A2ML1: variants seen among roughly 807,000 people sequenced by gnomAD.
A2ML1 encodes the protein alpha-2-macroglobulin-like protein 1.
Under a neutral mutation model 181.9 loss-of-function variants are expected in A2ML1, and 161 were observed. The observed-to-expected ratio is 0.89, with a 90% CI of 0.78 to 1.01. The LOEUF (loss-of-function observed/expected upper bound fraction) is 1.01. Ranked by LOEUF, A2ML1 falls within the 50% of genes least tolerant of loss-of-function variation. The pLI, the probability that A2ML1 is intolerant of heterozygous loss-of-function variation, is 0.00. For synonymous variants in A2ML1, 663 were observed against 666.8 expected (o/e 0.99, Z 0.09); for missense variants, 1,670 against 1,768.1 (o/e 0.94, Z 1.00).
intron 7 of A2ML1, among the ~76,000 whole-genome samples, chr12:8,883,485 C>T (rs1028489897): frequency 6.6e-5 from 10 of 151,266 alleles, no homozygotes; most frequent in Non-Finnish European, 1.3e-4. Context: ...CTCTCTCTCT[C>T]TTTTTTTTTG....
At position 8,843,093 on chromosome 12, in the gene A2ML1, G is replaced by A. The variant is rs371647232; in HGVS notation, c.1249-41G>A. On this transcript the variant is annotated intron_variant, in intron 11 of 35. Coordinates refer to ENST00000299698, the MANE Select transcript of A2ML1 (RefSeq NM_144670.6). ...ACAAGTCCGTGGGGTTTCCATGGTT[G>A]GAGCACATGCTAAAATTCTCTCTCT... The A allele has an allele frequency of 8.6e-5, 135 of 1,575,708 alleles. 1 individual carries two copies. The highest frequency in any genetic ancestry group is 5.0e-4 in the South Asian group (45 of 89,840).
At position 8,853,310 on chromosome 12, in the gene A2ML1, C is replaced by A. The variant is rs776521933; in HGVS notation, c.2591-818C>A. Among the ~76,000 whole-genome samples, 11 of 152,340 alleles carry A rather than the reference C, an allele frequency of 7.2e-5. No homozygotes were observed. In the South Asian group the frequency reaches 2.3e-3, roughly 32 times the overall value. Reference sequence around the variant, plus strand: ...CCTTTAACTTGTTTAATCCTCACCCCCAACCCTATGGGATGTCAGTCACTC... The same window carrying A: ...CCTTTAACTTGTTTAATCCTCACCCACAACCCTATGGGATGTCAGTCACTC... On this transcript the variant is annotated intron_variant, in intron 20 of 35. Coordinates refer to ENST00000299698, the MANE Select transcript of A2ML1 (RefSeq NM_144670.6).
chr12:8,841,458 C>T lies in A2ML1; in HGVS notation c.1170C>T (p.Thr390=), dbSNP rs781527794. 1.2e-6 allele frequency: 2 copies of T among 1,613,854 alleles called. No homozygotes were observed. Among genetic ancestry groups the T allele is most frequent in the Non-Finnish European group, 1.7e-6 (2 of 1,179,810 alleles). ...IYGTNGTFNQ[T]LVTDNNGLAP... is the part of the protein sequence containing the mutation. Reference sequence around the variant, plus strand: ...GCACAAATGGAACCTTCAACCAGACCCTGGTTACTGATAACAATGGCCTAG... The same window carrying T: ...GCACAAATGGAACCTTCAACCAGACTCTGGTTACTGATAACAATGGCCTAG... Residue 390 remains threonine, a synonymous_variant, in exon 11 of 36, where the codon ACC becomes ACT. Coordinates refer to ENST00000299698, the MANE Select transcript of A2ML1 (RefSeq NM_144670.6).
chr12:8,884,241 G>GTTTTTTTT (rs1289302391), intron 7 of A2ML1, among the ~76,000 whole-genome samples: 6 of 108,998 alleles, frequency 5.5e-5, no homozygotes, highest in Admixed American at 1.9e-4. Context: ...GTTTTTTTTT[G>GTTTTTTTT]TTTTGTTTTT....
At position 8,823,746 on chromosome 12, in the gene A2ML1, A is replaced by C; in HGVS notation, c.273A>C (p.Glu91Asp). The C allele has an allele frequency of 1.2e-6, 2 of 1,614,070 alleles. No individual in the cohort carries two copies. The highest frequency in any genetic ancestry group is 1.7e-6 in the Non-Finnish European group (2 of 1,180,000). Residue 91 changes from glutamate to aspartate, a missense_variant, in exon 3 of 36, where the codon GAA becomes GAC. Physicochemically the swap from Glu to Asp is conservative, Grantham distance 45 (BLOSUM62 2). Coordinates refer to ENST00000299698, the MANE Select transcript of A2ML1 (RefSeq NM_144670.6). ...FLVPPPAGGT[E>D]EVATIRVSGV... is the part of the protein sequence containing the mutation. ...TACCACCTCCTGCTGGTGGCACAGAAGAAGTGGCCACAATCCGGGTGTCGG... is the reference window on the plus strand; with the variant it reads ...TACCACCTCCTGCTGGTGGCACAGACGAAGTGGCCACAATCCGGGTGTCGG...
Position 8,846,057 on chromosome 12 carries a change from T to A in A2ML1, c.1538-20T>A. ...GAATGTGCATTCTGATTTTCCTGTA[T>A]ATTCCCTCTTCTCTTTCAGGACTGA... is the stretch of plus-strand genomic sequence containing the variant. On this transcript the variant is annotated intron_variant, in intron 13 of 35. Transcript: ENST00000299698. 1 of 1,613,942 alleles carries A rather than the reference T, an allele frequency of 6.2e-7. No homozygotes were observed. The highest frequency in any genetic ancestry group is 8.5e-7 in the Non-Finnish European group (1 of 1,179,878).
intron 33 of A2ML1, among the ~76,000 whole-genome samples, 154 bp downstream of exon 33, chr12:8,869,357 A>G (rs1009498098): frequency 6.6e-6 from 1 of 152,126 alleles, no homozygotes; most frequent in Non-Finnish European, 1.5e-5. Context: ...ATGCTGGTAT[A>G]CCGTAAAACA....
At chr12:8,868,866 A>C (rs765875952) in intron 32 of A2ML1, among the ~76,000 whole-genome samples, 1 of 152,200 alleles carries the variant, frequency 6.6e-6, no homozygotes, top group Non-Finnish European at 1.5e-5. Context: ...ATACATATGT[A>C]GGTATATATA....
intron 23 of A2ML1, among the ~76,000 whole-genome samples, chr12:8,856,245 C>T (rs775468175): frequency 6.6e-6 from 1 of 152,160 alleles, no homozygotes; most frequent in African/African-American, 2.4e-5. Flanking sequence ...AGATCCTTTG[C>T]AGTCACAGTG....
intron 23 of A2ML1, among the ~76,000 whole-genome samples, chr12:8,856,531 A>T (rs1944068571): frequency 6.6e-6 from 1 of 152,224 alleles, no homozygotes; most frequent in East Asian, 1.9e-4. Flanking sequence ...GGGGTCAGTG[A>T]CAACTTGGAA....
chr12:8,844,405 A>T (rs1361366728), intron 12 of A2ML1, among the ~76,000 whole-genome samples: 1 of 152,098 alleles, frequency 6.6e-6, no homozygotes, highest in African/African-American at 2.4e-5. Context: ...CCCAGCCAGG[A>T]TACATTTCAT....
chr12:8,839,403 T>C (rs1413766093), intron 10 of A2ML1, among the ~76,000 whole-genome samples, 181 bp downstream of exon 10: 3 of 152,182 alleles, frequency 2.0e-5, no homozygotes, highest in African/African-American at 7.2e-5. Flanking sequence ...TTATGGATAC[T>C]GAGACAGGCA....
At chr12:8,857,806 G>A (rs1441440894) in intron 25 of A2ML1, 140 bp from the exon 26 acceptor site, 18 of 1,275,652 alleles carry the variant, frequency 1.4e-5, no homozygotes, top group African/African-American at 4.5e-5. Context: ...GCCCATTAAT[G>A]CCTCTCTTTT....
At chr12:8,847,098 C>CT (rs1212257948) in intron 14 of A2ML1, among the ~76,000 whole-genome samples, 4,584 of 93,194 alleles carry the variant, frequency 0.049, 273 homozygotes, top group East Asian at 0.14. Flanking sequence ...CCATGCCTGG[C>CT]TTTTTTTTTT....
In A2ML1 at chr12:8,845,471, G is replaced by A. The variant is rs371934702; in HGVS notation, c.1506G>A (p.Glu502=). Residue 502 remains glutamate (E), a synonymous_variant, in exon 13 of 36, where the codon GAG becomes GAA. Coordinates refer to ENST00000299698, the MANE Select transcript of A2ML1 (RefSeq NM_144670.6). ...TAGGGAAAGGAAGTTTGGTGATGGA[G>A]GGGCAGAAACACCTGAACTCTAAGA... The part of the protein sequence containing the change: ...YLIGKGSLVM[E]GQKHLNSKKK... The A allele has an allele frequency of 5.0e-6, 8 of 1,614,004 alleles. No individual in the cohort carries two copies. The African/African-American group carries it at 1.1e-4, about 22-fold the overall frequency.
chr12:8,852,174 T>G lies in A2ML1; in HGVS notation c.2464-36T>G. 1.2e-6 allele frequency: 2 copies of G among 1,613,120 alleles called. No homozygotes were observed. The highest frequency in any genetic ancestry group is 1.7e-6 in the Non-Finnish European group (2 of 1,179,688). On this transcript the variant is annotated intron_variant, in intron 19 of 35. Coordinates refer to ENST00000299698, the MANE Select transcript of A2ML1 (RefSeq NM_144670.6). This position sits in a 1 kb window ranked among gnomAD's most constrained non-coding sequence, Gnocchi z 4.2. ...CCAGGCCTCTATGCACTACCTCCTT[T>G]GTTTGTACCCTTTGTCTCTTAAACA...
intron 5 of A2ML1, 85 bp from the exon 6 acceptor site, chr12:8,835,422 T>C (rs1943239779): frequency 1.9e-6 from 3 of 1,563,944 alleles, no homozygotes; most frequent in Non-Finnish European, 1.7e-6. Flanking sequence ...GTTTTTTACC[T>C]GCCTTTTGCT....
At position 8,854,243 on chromosome 12, in the gene A2ML1, C is replaced by A; in HGVS notation, c.2706C>A (p.Leu902=). The change falls in exon 21 of 36, where the codon CTC becomes CTA. Residue 902 remains leucine (L), a synonymous_variant. Coordinates refer to ENST00000299698, the MANE Select transcript of A2ML1 (RefSeq NM_144670.6). Reference sequence around the variant, plus strand: ...GTGACACGCTCATCAAGCCAGTTCTCGTCAAAGTGAGTTTTCTTCAGAGGT... The same window carrying A: ...GTGACACGCTCATCAAGCCAGTTCTAGTCAAAGTGAGTTTTCTTCAGAGGT... ...GRSDTLIKPV[L]VKPEGVLVEK... 6.3e-7 allele frequency: 1 copy of A among 1,597,124 alleles called. No homozygotes were observed.
At chr12:8,862,008 C>G (rs1944284942) in intron 28 of A2ML1, among the ~76,000 whole-genome samples, 1 of 152,070 alleles carries the variant, frequency 6.6e-6, no homozygotes, top group Non-Finnish European at 1.5e-5. Context: ...GATCCACCTG[C>G]CTCGGCCTCC....
Sources: allele counts gnomAD v4.1 joint callset (sites outside exome capture counted in the v4.1 genomes callset), GRCh38; gene constraint gnomAD v4.1.1; non-coding constraint Gnocchi (gnomAD v3.1); transcripts MANE v1.5; gene names NCBI Gene and HGNC (gene_info 2026-07-23, HGNC 2026-07-21).